Variants in ZMAT4 observed in about 807,000 individuals in gnomAD.
ZMAT4 encodes zinc finger matrin-type protein 4.
In ZMAT4, 17 loss-of-function variants were observed where a neutral mutation model predicts 28.7. The observed-to-expected ratio is 0.59, with a 90% CI of 0.41 to 0.89. The LOEUF is 0.89. Among genes scored for constraint, ZMAT4 ranks in the 40% least tolerant of loss-of-function variants. ZMAT4 has a pLI of 0.00. For missense variants in ZMAT4, 240 were observed against 283.8 expected (o/e 0.85, Z 1.11); for synonymous variants, 117 against 109.2 (o/e 1.07, Z -0.44).
intron 5 of ZMAT4, among the ~76,000 whole-genome samples, chr8:40,616,383 TG>T (rs956054440): frequency 3.3e-5 from 5 of 152,238 alleles, no homozygotes; most frequent in Non-Finnish European, 5.9e-5. Context: ...ATCCCATTAC[TG>T]GGTATATACG....
intron 6 of ZMAT4, among the ~76,000 whole-genome samples, chr8:40,558,768 C>G (rs1803630890): frequency 6.6e-6 from 1 of 151,938 alleles, no homozygotes; most frequent in South Asian, 2.1e-4. Flanking sequence ...CGGGCTCCCG[C>G]TTCTTGGCCG....
At chr8:40,862,703 C>T (rs1817545365) in intron 1 of ZMAT4, among the ~76,000 whole-genome samples, 2 of 151,004 alleles carry the variant, frequency 1.3e-5, no homozygotes, top group Non-Finnish European at 2.9e-5. Flanking sequence ...CCATCATTCT[C>T]AGCAAATTAT....
chr8:40,794,604 C>T (rs905171207), intron 2 of ZMAT4, among the ~76,000 whole-genome samples: 1 of 152,162 alleles, frequency 6.6e-6, no homozygotes, highest in East Asian at 1.9e-4. Flanking sequence ...AACAGCAGAG[C>T]ACGTGGCCTG....
intron 3 of ZMAT4, among the ~76,000 whole-genome samples, chr8:40,763,483 G>A (rs1247164258): frequency 6.6e-6 from 1 of 152,116 alleles, no homozygotes; most frequent in Non-Finnish European, 1.5e-5. Flanking sequence ...GAACACGTGT[G>A]GAAAGTGCAT....
intron 2 of ZMAT4, among the ~76,000 whole-genome samples, chr8:40,807,620 A>G (rs929623570): frequency 2.0e-5 from 3 of 152,184 alleles, no homozygotes; most frequent in African/African-American, 7.2e-5. Context: ...TTCACATTTT[A>G]GCTACAGGAT....
intron 5 of ZMAT4, among the ~76,000 whole-genome samples, chr8:40,651,791 A>G (rs1807669741): frequency 7.0e-6 from 1 of 143,600 alleles, no homozygotes; most frequent in African/African-American, 2.5e-5. Flanking sequence ...ATCTACAACT[A>G]TCTGATCTTT....
In ZMAT4 at chr8:40,601,709, G is replaced by GAAAGAAAGAAAGA. The variant is rs1563361131; in HGVS notation, c.578-20461_578-20449dup. Among the ~76,000 whole-genome samples, 16 of 39,996 alleles carry GAAAGAAAGAAAGA rather than the reference G, an allele frequency of 4.0e-4. 1 individual carries two copies. Among genetic ancestry groups the GAAAGAAAGAAAGA allele is most frequent in the Non-Finnish European group, 6.4e-4 (8 of 12,524 alleles). The allele number at this position is 39,996 out of a possible 152,430, so 26.2% of individuals were successfully genotyped here. ...GAAAGAAAGAAAGAAAGAAAGAAAA[G>GAAAGAAAGAAAGA]AAAGAAAGAAAGAAAGAAAGAGAAA... On this transcript the variant is annotated intron_variant, in intron 5 of 6. Transcript: ENST00000297737.
At chr8:40,870,228 T>C (rs1443426814) in intron 1 of ZMAT4, among the ~76,000 whole-genome samples, 3 of 152,208 alleles carry the variant, frequency 2.0e-5, no homozygotes, top group South Asian at 2.1e-4. Context: ...TTGTTCATCA[T>C]GCATTTCCTC....
At chr8:40,777,957 G>C (rs530129611) in intron 2 of ZMAT4, among the ~76,000 whole-genome samples, 2 of 152,298 alleles carry the variant, frequency 1.3e-5, no homozygotes, top group African/African-American at 2.4e-5. Context: ...TATTCTGAGT[G>C]AATCTTCCAT....
chr8:40,609,598 A>G (rs1250663359), intron 5 of ZMAT4, among the ~76,000 whole-genome samples: 3 of 152,204 alleles, frequency 2.0e-5, no homozygotes, highest in African/African-American at 7.2e-5. Flanking sequence ...AAGCTGTCTT[A>G]CCATCAGTCA....
intron 2 of ZMAT4, among the ~76,000 whole-genome samples, chr8:40,800,670 A>AT (rs35261910): frequency 0.72 from 108,828 of 151,758 alleles, 39,256 homozygotes; most frequent in Middle Eastern, 0.8. Context: ...GTCAAAAAAA[A>AT]CTCAAGAAAC....
intron 6 of ZMAT4, among the ~76,000 whole-genome samples, chr8:40,571,935 A>G (rs1804112308): frequency 6.6e-6 from 1 of 152,108 alleles, no homozygotes; most frequent in African/African-American, 2.4e-5. Context: ...TTTCTTGGTT[A>G]TTGGGTTTCT....
At chr8:40,708,486 G>C (rs989700331) in intron 3 of ZMAT4, among the ~76,000 whole-genome samples, 1 of 152,072 alleles carries the variant, frequency 6.6e-6, no homozygotes, top group Non-Finnish European at 1.5e-5. Context: ...AAATGTGGGG[G>C]AGAGTGGAGC....
intron 3 of ZMAT4, among the ~76,000 whole-genome samples, chr8:40,735,975 G>C (rs1811745185): frequency 6.6e-6 from 1 of 152,144 alleles, no homozygotes; most frequent in South Asian, 2.1e-4. Context: ...AGTCTTCTTA[G>C]AAGCTAAGAA....
At chr8:40,557,810 T>C (rs1803595807) in intron 6 of ZMAT4, among the ~76,000 whole-genome samples, 1 of 152,136 alleles carries the variant, frequency 6.6e-6, no homozygotes, top group African/African-American at 2.4e-5. Context: ...CTGCAGCTTT[T>C]ACTCTATTTG....
intron 5 of ZMAT4, among the ~76,000 whole-genome samples, chr8:40,631,300 G>C (rs1806571402): frequency 6.6e-6 from 1 of 152,132 alleles, no homozygotes; most frequent in African/African-American, 2.4e-5. Context: ...TGGGACTACA[G>C]GTGCAAATTA....
At chr8:40,826,512 G>A (rs961066214) in intron 1 of ZMAT4, among the ~76,000 whole-genome samples, 3 of 152,040 alleles carry the variant, frequency 2.0e-5, no homozygotes, top group African/African-American at 7.2e-5. Flanking sequence ...TTGTAGTCAA[G>A]GAAGAAGTTA....
At chr8:40,566,640 A>T (rs1414954696) in intron 6 of ZMAT4, among the ~76,000 whole-genome samples, 3 of 152,144 alleles carry the variant, frequency 2.0e-5, no homozygotes, top group African/African-American at 4.8e-5. Context: ...TCTGGTATGG[A>T]GGATACTGAA....
At chr8:40,666,557 T>C (rs1235738747) in intron 5 of ZMAT4, among the ~76,000 whole-genome samples, 1 of 152,042 alleles carries the variant, frequency 6.6e-6, no homozygotes, top group African/African-American at 2.4e-5. Context: ...AAGGAGGAAA[T>C]TATTTGCACT....
Sources: allele counts gnomAD v4.1 joint callset (sites outside exome capture counted in the v4.1 genomes callset), GRCh38; gene constraint gnomAD v4.1.1; transcripts MANE v1.5; gene names NCBI Gene and HGNC (gene_info 2026-07-23, HGNC 2026-07-21).